The following EXOC5 variants were observed in gnomAD, a reference collection of about 807,000 sequenced individuals.
EXOC5 encodes SEC10-like 1.
In EXOC5, 17 loss-of-function variants were observed where a neutral mutation model predicts 90.8. That is an observed-to-expected ratio of 0.19 (90% CI 0.13 to 0.28). The LOEUF is 0.28. EXOC5 is among the 10% of genes least tolerant of loss of function. The pLI, the probability that EXOC5 is intolerant of heterozygous loss-of-function variation, is 1.00. For synonymous variants in EXOC5, 260 were observed against 270.0 expected, an observed-to-expected ratio of 0.96 and a Z score of 0.36; for missense variants, 569 against 830.6, an observed-to-expected ratio of 0.69 and a Z score of 3.87.
chr14:57,225,249 T>C (rs1451753334), intron 12 of EXOC5, among the ~76,000 whole-genome samples: 1 of 152,154 alleles, frequency 6.6e-6, no homozygotes. Context: ...TTTACCATAT[T>C]AACAGAATAA....
In EXOC5 at chr14:57,209,786, TA is replaced by T; in HGVS notation, c.1723-5del. 1.9e-6 allele frequency: 3 copies of T among 1,596,714 alleles called. No homozygotes were observed. The highest frequency in any genetic ancestry group is 2.6e-6 in the Non-Finnish European group (3 of 1,168,154). On this transcript the variant is annotated splice_polypyrimidine_tract_variant and splice_region_variant and intron_variant, in intron 16 of 17. Transcript: ENST00000621441. ...AAGCACAGACTTTTACACAGGCCTA[TA>T]AAAGTTTTTCTACACTCATTACACA...
chr14:57,219,583 G>C, intron 13 of EXOC5, 141 bp from the exon 14 acceptor site: 1 of 656,370 alleles, frequency 1.5e-6, no homozygotes, highest in Non-Finnish European at 2.6e-6. Context: ...TGACTTCTGT[G>C]GACAGAAGAG....
At chr14:57,231,904 A>G in intron 10 of EXOC5, 189 bp from the exon 11 acceptor site, 1 of 489,940 alleles carries the variant, frequency 2.0e-6, no homozygotes, top group Non-Finnish European at 3.6e-6. Flanking sequence ...GTGAAATATT[A>G]CGAACAACTT....
At chr14:57,235,336 C>T (rs1883624460) in intron 7 of EXOC5, among the ~76,000 whole-genome samples, 1 of 152,096 alleles carries the variant, frequency 6.6e-6, no homozygotes, top group South Asian at 2.1e-4. Flanking sequence ...AGTCATGTTC[C>T]ATCTACTCTC....
chr14:57,250,432 C>A (rs1884157115), intron 1 of EXOC5, among the ~76,000 whole-genome samples: 1 of 152,122 alleles, frequency 6.6e-6, no homozygotes, highest in Admixed American at 6.6e-5. Context: ...TAATAATTCT[C>A]CTATTCCTTC....
intron 1 of EXOC5, among the ~76,000 whole-genome samples, chr14:57,267,240 C>CGT (rs1317519405): frequency 5.3e-5 from 8 of 152,148 alleles, no homozygotes; most frequent in African/African-American, 1.7e-4. Context: ...GCATATCTCC[C>CGT]AACACTTAAG....
rs1882684113 is a variant in EXOC5, at chr14:57,207,253, A to C, written c.*1356T>G. On this transcript the variant is annotated 3_prime_UTR_variant, in exon 18 of 18. Coordinates refer to ENST00000621441, the MANE Select transcript of EXOC5 (RefSeq NM_006544.4). The stretch of plus-strand genomic sequence containing the variant: ...TTCAGAATAAGGTTCTCAGAAGAAA[A>C]GCAGTTTTCCAAAAATAGGCTAAAA... 6.6e-6 allele frequency: 1 copy of C among 152,520 alleles called. No homozygotes were observed. The highest frequency in any genetic ancestry group is 1.5e-5 in the Non-Finnish European group (1 of 67,962). 9.4% of individuals were successfully genotyped at this position (152,520 alleles called of 1,614,324 possible).
rs1309788260 is a variant in EXOC5 at position 57,237,373 on chromosome 14, G to C, written c.531-7C>G. On this transcript the variant is annotated splice_polypyrimidine_tract_variant and splice_region_variant and intron_variant, in intron 5 of 17. Transcript: ENST00000621441. ...GGATTTAACTTCTGAAAATCTGAAA[G>C]ACAAAAACCAACCATGAGGTTTGTT... The C allele has an allele frequency of 1.3e-6, 2 of 1,520,828 alleles. No individual in the cohort carries two copies. The highest frequency in any genetic ancestry group is 2.4e-5 in the South Asian group (2 of 82,770). The allele number at this position is 1,520,828 out of a possible 1,614,324, so 94.2% of individuals were successfully genotyped here.
At position 57,268,798 on chromosome 14, in the gene EXOC5, G is replaced by A. The variant is rs1274004841; in HGVS notation, c.-150C>T. On this transcript the variant is annotated 5_prime_UTR_variant, in exon 1 of 18. Transcript: ENST00000621441. ...CCCCAGCTCCCCACAGATCCCAGGAGGGGCGGGAGAGCGGCCATGAAGCGA... is the reference window on the plus strand; with the variant it reads ...CCCCAGCTCCCCACAGATCCCAGGAAGGGCGGGAGAGCGGCCATGAAGCGA... 9.2e-6 allele frequency: 13 copies of A among 1,408,204 alleles called. No homozygotes were observed. The highest frequency in any genetic ancestry group is 3.2e-5 in the Admixed American group (1 of 31,422). The allele number at this position is 1,408,204 out of a possible 1,614,324, so 87.2% of individuals were successfully genotyped here. A position where few individuals can be genotyped will look rare whatever the true frequency, so the allele number is the denominator to read the frequency against.
chr14:57,245,074 T>G lies in EXOC5; in HGVS notation c.271-715A>C, dbSNP rs148118361. 7.2e-3 allele frequency among the ~76,000 whole-genome samples: 1,100 copies of G among 151,988 alleles called. 5 individuals carry two copies. The highest frequency in any genetic ancestry group is 0.012 in the Non-Finnish European group (827 of 67,958). On this transcript the variant is annotated intron_variant, in intron 3 of 17. Coordinates refer to ENST00000621441, the MANE Select transcript of EXOC5 (RefSeq NM_006544.4). ...TAAAAAGTGATGTTTATATATAAAG[T>G]AAAATAGTTCTTTCCCAGTTTTGAA...
chr14:57,239,707 A>T (rs745574158), intron 4 of EXOC5, 48 bp from the exon 5 acceptor site: 12 of 1,124,856 alleles, frequency 1.1e-5, no homozygotes, highest in African/African-American at 3.2e-5. Flanking sequence ...TTTTAGGCAT[A>T]TCAAAAAATA....
intron 15 of EXOC5, among the ~76,000 whole-genome samples, chr14:57,217,710 C>T (rs1435700614): frequency 6.6e-6 from 1 of 152,064 alleles, no homozygotes; most frequent in Non-Finnish European, 1.5e-5. Flanking sequence ...AAAAACGTCA[C>T]ATATTTCTCA....
chr14:57,265,462 C>T (rs934054915), intron 1 of EXOC5, among the ~76,000 whole-genome samples: 12 of 152,126 alleles, frequency 7.9e-5, no homozygotes, highest in Non-Finnish European at 1.6e-4. Context: ...GTGGCTCACA[C>T]CTGTAATCCC....
rs113961625 is a variant in EXOC5 at position 57,208,942 on chromosome 14, G to A, written c.1939-145C>T. 1.2e-3 allele frequency: 651 copies of A among 531,322 alleles called. 5 individuals are homozygous for A. Among genetic ancestry groups the A allele is most frequent in the African/African-American group, 0.011 (590 of 53,324 alleles). The allele number at this position is 531,322 out of a possible 1,614,324, so 32.9% of individuals were successfully genotyped here. On this transcript the variant is annotated intron_variant, in intron 17 of 17. Coordinates refer to ENST00000621441, the MANE Select transcript of EXOC5 (RefSeq NM_006544.4). The stretch of plus-strand genomic sequence containing the variant: ...ATTAGAATTTTTTAAAGATCACAAT[G>A]CATTAAAACTTAAAGATTTCAGTAG...
At chr14:57,264,561 G>A (rs777687332) in intron 1 of EXOC5, among the ~76,000 whole-genome samples, 6 of 151,952 alleles carry the variant, frequency 3.9e-5, no homozygotes, top group Non-Finnish European at 7.4e-5. Context: ...ATTAAACCCC[G>A]ATTTACCTTA....
chr14:57,209,868 T>C, intron 16 of EXOC5, 85 bp downstream of exon 16: 1 of 1,238,580 alleles, frequency 8.1e-7, no homozygotes, highest in Non-Finnish European at 1.1e-6. Context: ...AATCTTTAAG[T>C]ATAAAAGAAA....
intron 12 of EXOC5, among the ~76,000 whole-genome samples, chr14:57,225,916 C>T (rs1309482667): frequency 1.3e-5 from 2 of 152,134 alleles, no homozygotes. Context: ...GACAAACAGT[C>T]GTATTCTTTT....
intron 15 of EXOC5, among the ~76,000 whole-genome samples, chr14:57,210,726 TTA>T (rs1479922558): frequency 6.6e-6 from 1 of 152,150 alleles, no homozygotes; most frequent in Non-Finnish European, 1.5e-5. Context: ...AATCATTTTC[TTA>T]TACTCACTCA....
intron 12 of EXOC5, among the ~76,000 whole-genome samples, chr14:57,225,604 G>T (rs1362561209): frequency 1.4e-5 from 2 of 144,028 alleles, no homozygotes; most frequent in Admixed American, 1.4e-4. Flanking sequence ...AAAAAAAAAA[G>T]GCAAATAGAA....
Sources: gnomAD v4.1 joint callset for allele counts (sites outside exome capture counted in the v4.1 genomes callset) on GRCh38, gnomAD v4.1.1 for gene constraint, MANE v1.5 for transcripts, NCBI Gene and HGNC (gene_info 2026-07-23, HGNC 2026-07-21) for gene names.